DLGAP2: variants seen among roughly 807,000 people sequenced by gnomAD.
DLGAP2 encodes the protein disks large-associated protein 2.
Under a neutral mutation model 100.3 loss-of-function variants are expected in DLGAP2, and 26 were observed. The ratio of observed to expected loss-of-function variants is 0.26; its 90% CI spans 0.19 to 0.36. The LOEUF (loss-of-function observed/expected upper bound fraction) is 0.36. Ranked by LOEUF, DLGAP2 falls within the 10% of genes least tolerant of loss-of-function variation. The probability of loss-of-function intolerance (pLI) is 1.00; values close to 1 mark genes in which losing one functional copy is unlikely to be tolerated. For synonymous variants in DLGAP2, 886 were observed against 630.1 expected, an observed-to-expected ratio of 1.41 and a Z score of -6.08; for missense variants, 1,858 against 1,453.2, an observed-to-expected ratio of 1.28 and a Z score of -4.53.
At chr8:752,943 C>G (rs1404707301) in intron 1 of DLGAP2, among the ~76,000 whole-genome samples, 1 of 152,160 alleles carries the variant, frequency 6.6e-6, no homozygotes, top group Non-Finnish European at 1.5e-5. Context: ...ACTCGGTTCC[C>G]AATTATTATC....
chr8:790,065 C>A (rs1368363340), intron 1 of DLGAP2, among the ~76,000 whole-genome samples: 1 of 152,068 alleles, frequency 6.6e-6, no homozygotes, highest in Non-Finnish European at 1.5e-5. Context: ...ATCTTGGCTC[C>A]TGTTCTACAC....
intron 3 of DLGAP2, among the ~76,000 whole-genome samples, chr8:1,290,730 C>G (rs1464879495): frequency 6.6e-6 from 1 of 152,190 alleles, no homozygotes; most frequent in Non-Finnish European, 1.5e-5. Context: ...ACATTCCAGA[C>G]AGTATGTAGT....
intron 2 of DLGAP2, among the ~76,000 whole-genome samples, chr8:1,230,759 AG>A (rs1478332919): frequency 6.6e-6 from 1 of 152,220 alleles, no homozygotes; most frequent in African/African-American, 2.4e-5. Flanking sequence ...CAATGGGGAA[AG>A]GGCTTCTTAT....
At chr8:744,487 C>T (rs972946348) in intron 1 of DLGAP2, among the ~76,000 whole-genome samples, 11 of 152,208 alleles carry the variant, frequency 7.2e-5, no homozygotes, top group East Asian at 1.9e-4. Context: ...CCCTCTTCTC[C>T]GGCCACGTCG....
intron 3 of DLGAP2, among the ~76,000 whole-genome samples, chr8:1,436,147 C>G (rs560613380): frequency 1.3e-5 from 2 of 152,228 alleles, no homozygotes; most frequent in African/African-American, 4.8e-5. Context: ...GGTGAACTCC[C>G]ACCACAAGCC....
chr8:1,261,885 C>G (rs768061318), intron 3 of DLGAP2, among the ~76,000 whole-genome samples: 1 of 152,194 alleles, frequency 6.6e-6, no homozygotes, highest in Non-Finnish European at 1.5e-5. Context: ...TCATAAATGT[C>G]ATGGCACAGA....
intron 2 of DLGAP2, among the ~76,000 whole-genome samples, chr8:1,171,159 A>G (rs928140258): frequency 6.6e-6 from 1 of 152,016 alleles, no homozygotes; most frequent in Admixed American, 6.6e-5. Context: ...CCTTCAGGAG[A>G]AGGTTGTTCA....
chr8:962,584 C>G (rs1307095535), intron 2 of DLGAP2, among the ~76,000 whole-genome samples: 3 of 152,172 alleles, frequency 2.0e-5, no homozygotes, highest in African/African-American at 4.8e-5. Context: ...TTGAGGTCAC[C>G]TGCTCCAGCA....
intron 3 of DLGAP2, among the ~76,000 whole-genome samples, chr8:1,447,709 T>C (rs1026400294): frequency 2.6e-5 from 4 of 152,186 alleles, no homozygotes; most frequent in Admixed American, 1.3e-4. Flanking sequence ...GTGAATCCAT[T>C]TGGTCCTGGA....
intron 13 of DLGAP2, among the ~76,000 whole-genome samples, chr8:1,694,487 T>A (rs2130881234): frequency 6.6e-6 from 1 of 152,318 alleles, no homozygotes; most frequent in South Asian, 2.1e-4. Context: ...AGGGTCGGGA[T>A]GTGCAGGTGG....
At chr8:1,494,683 G>A (rs1799492820) in intron 3 of DLGAP2, among the ~76,000 whole-genome samples, 1 of 151,960 alleles carries the variant, frequency 6.6e-6, no homozygotes, top group African/African-American at 2.4e-5. Context: ...AGCTGAGATT[G>A]TGCCATTGCA....
chr8:1,204,319 G>C lies in DLGAP2; in HGVS notation c.74-54532G>C, dbSNP rs548903089. Among the ~76,000 whole-genome samples, 6 of 152,370 alleles carry C rather than the reference G, an allele frequency of 3.9e-5. No homozygotes were observed. The South Asian group carries it at 1.0e-3, about 26-fold the overall frequency. On this transcript the variant is annotated intron_variant, in intron 2 of 14. Transcript: ENST00000637795. ...TCTGAGATCGGAAGTTCTCACGAGA[G>C]AACAATTACAGGCCATGGTGTGGAA...
chr8:906,898 G>C (rs1252427072), intron 1 of DLGAP2, among the ~76,000 whole-genome samples: 19 of 152,172 alleles, frequency 1.2e-4, no homozygotes, highest in Admixed American at 1.2e-3. Flanking sequence ...ATACTGTCTT[G>C]TTTTCAATTG....
chr8:1,164,483 T>C (rs1052411254), intron 2 of DLGAP2, among the ~76,000 whole-genome samples: 2 of 151,476 alleles, frequency 1.3e-5, no homozygotes, highest in African/African-American at 2.4e-5. Flanking sequence ...TGACGTCCTG[T>C]TGGGGGAGTT....
At chr8:1,165,353 C>A (rs991512719) in intron 2 of DLGAP2, among the ~76,000 whole-genome samples, 54 of 152,256 alleles carry the variant, frequency 3.5e-4, no homozygotes, top group African/African-American at 1.3e-3. Flanking sequence ...GCCCCAGGAC[C>A]ATCGGCCGTT....
intron 1 of DLGAP2, among the ~76,000 whole-genome samples, chr8:903,035 G>A (rs1446450604): frequency 1.4e-5 from 2 of 143,250 alleles, no homozygotes; most frequent in African/African-American, 5.2e-5. Flanking sequence ...TGGAAAGAGT[G>A]CGGGTGGACG....
At chr8:819,331 T>C (rs1011266853) in intron 1 of DLGAP2, among the ~76,000 whole-genome samples, 4 of 152,224 alleles carry the variant, frequency 2.6e-5, no homozygotes, top group African/African-American at 9.6e-5. Flanking sequence ...CCATCTGTGA[T>C]AGAAATTCTA....
At chr8:1,301,774 C>T (rs528138338) in intron 3 of DLGAP2, 2 of 152,370 alleles carry the variant, frequency 1.3e-5, no homozygotes, top group African/African-American at 2.4e-5. Context: ...CACAGCACCC[C>T]TCCCCTTCCC....
chr8:902,099 G>T (rs373975074), intron 1 of DLGAP2, among the ~76,000 whole-genome samples: 167 of 152,354 alleles, frequency 1.1e-3, no homozygotes, highest in African/African-American at 3.8e-3. Context: ...CAGGAATGTT[G>T]CGCCAGAAGC....
Sources: allele counts gnomAD v4.1 joint callset (sites outside exome capture counted in the v4.1 genomes callset), GRCh38; gene constraint gnomAD v4.1.1; transcripts MANE v1.5; gene names NCBI Gene and HGNC (gene_info 2026-07-23, HGNC 2026-07-21).